The following PACSIN1 variants were observed in gnomAD, a reference collection of about 807,000 sequenced individuals.
The protein encoded by PACSIN1 is protein kinase C and casein kinase substrate in neurons 1.
Under a neutral mutation model 59.5 loss-of-function variants are expected in PACSIN1, and 15 were observed. The ratio of observed to expected loss-of-function variants is 0.25; its 90% confidence interval spans 0.17 to 0.39. The LOEUF is 0.39. PACSIN1 is among the 10% of genes least tolerant of loss of function. The pLI is 1.00. For synonymous variants in PACSIN1, 210 were observed against 220.6 expected, an observed-to-expected ratio of 0.95 and a Z score of 0.42; for missense variants, 420 against 580.2, an observed-to-expected ratio of 0.72 and a Z score of 2.84.
chr6:34,519,660 G>A (rs147108944), intron 1 of PACSIN1, among the ~76,000 whole-genome samples: 1 of 152,236 alleles, frequency 6.6e-6, no homozygotes, highest in Non-Finnish European at 1.5e-5. Flanking sequence ...TGGGCCTTCT[G>A]TGCACTGGGC....
chr6:34,471,712 A>T (rs1581954157), intron 1 of PACSIN1, among the ~76,000 whole-genome samples: 1 of 152,336 alleles, frequency 6.6e-6, no homozygotes, highest in South Asian at 2.1e-4. Context: ...CAGTGGTCAC[A>T]GTTTTGACTT....
intron 1 of PACSIN1, among the ~76,000 whole-genome samples, chr6:34,496,422 T>C (rs776063311): frequency 3.1e-4 from 47 of 152,200 alleles, no homozygotes; most frequent in Non-Finnish European, 6.3e-4. Context: ...GGGTGATCTC[T>C]GCCAGCCTGA....
intron 1 of PACSIN1, among the ~76,000 whole-genome samples, chr6:34,476,983 T>G (rs1374404848): frequency 6.6e-6 from 1 of 152,158 alleles, no homozygotes; most frequent in Non-Finnish European, 1.5e-5. Context: ...CTGTGTCAGC[T>G]CGGGATTTCC....
At chr6:34,503,266 CAAAAA>C (rs200906223) in intron 1 of PACSIN1, among the ~76,000 whole-genome samples, 1 of 68,614 alleles carries the variant, frequency 1.5e-5, no homozygotes, top group Non-Finnish European at 3.3e-5. Context: ...GAGATCCTGT[CAAAAA>C]AAAAAAAAAG....
chr6:34,466,504 G>T (rs1388454817), intron 1 of PACSIN1, among the ~76,000 whole-genome samples: 1 of 152,180 alleles, frequency 6.6e-6, no homozygotes, highest in African/African-American at 2.4e-5. Flanking sequence ...GGGTCCCTTG[G>T]GGGAGCGAGC....
At chr6:34,511,844 G>A (rs1039060878) in intron 1 of PACSIN1, among the ~76,000 whole-genome samples, 1 of 152,204 alleles carries the variant, frequency 6.6e-6, no homozygotes, top group Non-Finnish European at 1.5e-5. Context: ...GAGCTGGGGA[G>A]AGGGGGCAAT....
intron 1 of PACSIN1, among the ~76,000 whole-genome samples, chr6:34,484,720 C>T (rs1052856022): frequency 6.6e-6 from 1 of 152,140 alleles, no homozygotes; most frequent in East Asian, 1.9e-4. Flanking sequence ...TGTATGGGAA[C>T]TCTCTGTATT....
intron 1 of PACSIN1, among the ~76,000 whole-genome samples, chr6:34,487,004 CAAA>C (rs3042080): frequency 1.5e-5 from 2 of 133,934 alleles, no homozygotes; most frequent in Admixed American, 7.4e-5. Context: ...CCATCTCTAC[CAAA>C]AAAAAAAAAA....
At chr6:34,519,746 C>T (rs1246916829) in intron 1 of PACSIN1, among the ~76,000 whole-genome samples, 2 of 152,132 alleles carry the variant, frequency 1.3e-5, no homozygotes, top group African/African-American at 4.8e-5. Flanking sequence ...TAGGTGCTAT[C>T]ATCACCTCCT....
At chr6:34,490,858 C>T (rs1766866188) in intron 1 of PACSIN1, among the ~76,000 whole-genome samples, 1 of 152,162 alleles carries the variant, frequency 6.6e-6, no homozygotes, top group African/African-American at 2.4e-5. Context: ...TGTGGGCTTT[C>T]GTTTTCTCCA....
chr6:34,485,519 G>A (rs1297305211), intron 1 of PACSIN1, among the ~76,000 whole-genome samples: 1 of 152,208 alleles, frequency 6.6e-6, no homozygotes, highest in Non-Finnish European at 1.5e-5. Context: ...GAACAGTGGT[G>A]TTGTGTCCTG....
chr6:34,530,698 C>T lies in PACSIN1; in HGVS notation c.1037+111C>T, dbSNP rs1767578120. On this transcript the variant is annotated intron_variant, in intron 8 of 9. Coordinates refer to ENST00000244458, the MANE Select transcript of PACSIN1 (RefSeq NM_020804.5). This position sits in a 1 kb window ranked among gnomAD's most constrained non-coding sequence, Gnocchi z 4.4. Reference sequence around the variant, plus strand: ...GTCTAGATCATAGCAACTATGTCTCCTCTCTAAAAGATAGTGGTAGTTCAT... The same window carrying T: ...GTCTAGATCATAGCAACTATGTCTCTTCTCTAAAAGATAGTGGTAGTTCAT... 8.6e-7 allele frequency: 1 copy of T among 1,164,354 alleles called. No individual in the cohort carries two copies. The highest frequency in any genetic ancestry group is 3.5e-5 in the Admixed American group (1 of 28,468). The allele number at this position is 1,164,354 out of a possible 1,614,324, so 72.1% of individuals were successfully genotyped here.
At chr6:34,491,045 G>A (rs191227228) in intron 1 of PACSIN1, among the ~76,000 whole-genome samples, 3 of 152,224 alleles carry the variant, frequency 2.0e-5, no homozygotes, top group Non-Finnish European at 2.9e-5. Flanking sequence ...TCTTTCCCAA[G>A]CAGGTTCTGA....
At chr6:34,501,405 A>G (rs1335765487) in intron 1 of PACSIN1, among the ~76,000 whole-genome samples, 1 of 152,196 alleles carries the variant, frequency 6.6e-6, no homozygotes, top group African/African-American at 2.4e-5. Context: ...TGAGGGGAGC[A>G]GACCTACACC....
At chr6:34,470,022 AG>A (rs1766549555) in intron 1 of PACSIN1, among the ~76,000 whole-genome samples, 1 of 151,980 alleles carries the variant, frequency 6.6e-6, no homozygotes, top group Non-Finnish European at 1.5e-5. Context: ...GTTTCCAGCC[AG>A]GGGCAGGGTG....
At chr6:34,490,613 T>C (rs1472079741) in intron 1 of PACSIN1, among the ~76,000 whole-genome samples, 1 of 152,184 alleles carries the variant, frequency 6.6e-6, no homozygotes, top group African/African-American at 2.4e-5. Flanking sequence ...GGGCACCCAG[T>C]TCTGTAACTG....
rs1253922962 is a variant in PACSIN1 at position 34,518,298 on chromosome 6, C to T, written c.-63-7945C>T. Among the ~76,000 whole-genome samples, 1 of 152,252 alleles carries T rather than the reference C, an allele frequency of 6.6e-6. No homozygotes were observed. Among genetic ancestry groups the T allele is most frequent in the Non-Finnish European group, 1.5e-5 (1 of 68,040 alleles). On this transcript the variant is annotated intron_variant, in intron 1 of 9. Transcript: ENST00000244458. The surrounding 1 kb of genome is among the most constrained non-coding windows in gnomAD (Gnocchi z 4.4). The stretch of plus-strand genomic sequence containing the variant: ...GGAGTGTTGCCCACAGAGGAGGCAG[C>T]CTGGCCCCTGCTCTCCAGGTGGCCA...
rs1041715102 is a variant in PACSIN1, at chr6:34,525,386, A to C, written c.-63-857A>C. 6.6e-6 allele frequency among the ~76,000 whole-genome samples: 1 copy of C among 152,220 alleles called. No individual in the cohort carries two copies. Among genetic ancestry groups the C allele is most frequent in the Non-Finnish European group, 1.5e-5 (1 of 68,034 alleles). On this transcript the variant is annotated intron_variant, in intron 1 of 9. Coordinates refer to ENST00000244458, the MANE Select transcript of PACSIN1 (RefSeq NM_020804.5). The surrounding 1 kb of genome is among the most constrained non-coding windows in gnomAD (Gnocchi z 4.9). ...GCCCCTGCCCTGAGCCTGAGAGCCA[A>C]CTGCTGGACCCCCAGGTTGGGCTGA...
intron 1 of PACSIN1, among the ~76,000 whole-genome samples, chr6:34,499,664 C>T (rs977585397): frequency 1.4e-4 from 21 of 151,914 alleles, no homozygotes; most frequent in African/African-American, 3.6e-4. Flanking sequence ...GGCATGGTGA[C>T]GGGCACCTGT....
Sources: gnomAD v4.1 joint callset for allele counts (sites outside exome capture counted in the v4.1 genomes callset) on GRCh38, gnomAD v4.1.1 for gene constraint, Gnocchi (gnomAD v3.1) non-coding constraint, MANE v1.5 for transcripts, NCBI Gene and HGNC (gene_info 2026-07-23, HGNC 2026-07-21) for gene names.